The following SLC4A1AP variants were observed in gnomAD, a reference collection of about 807,000 sequenced individuals.
SLC4A1AP encodes the protein kanadaptin.
SLC4A1AP carries 64 observed loss-of-function variants against 89.7 expected under a neutral mutation model. The ratio of observed to expected loss-of-function variants is 0.71; its 90% CI spans 0.58 to 0.88. SLC4A1AP has a LOEUF of 0.88. Ranked by LOEUF, SLC4A1AP falls within the 40% of genes least tolerant of loss-of-function variation. The probability of loss-of-function intolerance (pLI) is 0.00; values close to 1 mark genes in which losing one functional copy is unlikely to be tolerated. For synonymous variants in SLC4A1AP, 366 were observed against 353.3 expected (o/e 1.04, Z -0.40); for missense variants, 931 against 965.0 (o/e 0.96, Z 0.47).
At chr2:27,667,713 G>GT (rs1318316891) in intron 3 of SLC4A1AP, among the ~76,000 whole-genome samples, 1 of 152,008 alleles carries the variant, frequency 6.6e-6, no homozygotes, top group African/African-American at 2.4e-5. Context: ...ACTTCCTGTA[G>GT]TTTTTTAATT....
exon 1 of SLC4A1AP, chr2:27,664,302 A>G: frequency 6.2e-7 from 1 of 1,614,182 alleles, no homozygotes. Context: ...CCGTAGCTTG[A>G]AAGGGACGAG....
At chr2:27,689,638 T>A (rs1675756879) in intron 12 of SLC4A1AP, among the ~76,000 whole-genome samples, 1 of 152,166 alleles carries the variant, frequency 6.6e-6, no homozygotes, top group Non-Finnish European at 1.5e-5. Flanking sequence ...TGGCGACTGA[T>A]CACATAGGCA....
At position 27,665,349 on chromosome 2, in the gene SLC4A1AP, G is replaced by C. The variant is rs1675297040; in HGVS notation, c.1021+54G>C. On this transcript the variant is annotated intron_variant, in intron 2 of 13. Transcript: ENST00000613058. ...TAATATTTTAAGTTCATTACAAGTGGTACCCTTAAATGTTTTTTTAAATCA... is the reference window on the plus strand; with the variant it reads ...TAATATTTTAAGTTCATTACAAGTGCTACCCTTAAATGTTTTTTTAAATCA... 13 of 1,447,782 alleles carry C rather than the reference G, an allele frequency of 9.0e-6. 1 individual carries two copies. The South Asian group carries it at 1.5e-4, about 17-fold the overall frequency. The allele number at this position is 1,447,782 out of a possible 1,614,324, so 89.7% of individuals were successfully genotyped here. A position where few individuals can be genotyped will look rare whatever the true frequency, so the allele number is the denominator to read the frequency against.
At chr2:27,673,239 A>G (rs945760812) in intron 5 of SLC4A1AP, among the ~76,000 whole-genome samples, 13 of 151,680 alleles carry the variant, frequency 8.6e-5, no homozygotes, top group African/African-American at 3.1e-4. Flanking sequence ...AATTCTGCTA[A>G]GTTAGTTTCT....
In SLC4A1AP at chr2:27,693,817, A is replaced by G; in HGVS notation, c.2341+63A>G. The G allele has an allele frequency of 7.9e-7, 1 of 1,268,802 alleles. No homozygotes were observed. Among genetic ancestry groups the G allele is most frequent in the Non-Finnish European group, 1.1e-6 (1 of 895,928 alleles). The allele number at this position is 1,268,802 out of a possible 1,614,324, so 78.6% of individuals were successfully genotyped here. ...TTATTTATATTTTTGAATAGGTAAT[A>G]TAGATTTAAGGTTCAACATAAGAAA... On this transcript the variant is annotated intron_variant, in intron 13 of 13. Transcript: ENST00000613058.
intron 3 of SLC4A1AP, chr2:27,668,624 A>AT: frequency 1.5e-6 from 1 of 681,530 alleles, no homozygotes; most frequent in South Asian, 1.5e-5. Flanking sequence ...TAATTTCTGT[A>AT]TTTTTTGTAC....
At chr2:27,664,559 C>G (rs1572986894) in exon 1 of SLC4A1AP, 1 of 1,611,130 alleles carries the variant, frequency 6.2e-7, no homozygotes, top group Non-Finnish European at 8.5e-7. Context: ...GAGGCAGCAC[C>G]CGGCTCTTTA....
intron 8 of SLC4A1AP, 137 bp downstream of exon 8, chr2:27,678,061 G>T: frequency 1.7e-6 from 1 of 573,202 alleles, no homozygotes. Context: ...ACAGAAAGCA[G>T]TGGTTTCATA....
At chr2:27,670,673 G>T (rs939165455) in intron 5 of SLC4A1AP, among the ~76,000 whole-genome samples, 1 of 151,396 alleles carries the variant, frequency 6.6e-6, no homozygotes. Context: ...TGGCTAACAC[G>T]GTGAAACCCC....
chr2:27,680,907 CTG>C (rs1397432986), intron 8 of SLC4A1AP, among the ~76,000 whole-genome samples: 1 of 150,784 alleles, frequency 6.6e-6, no homozygotes. Context: ...TGCTATCAGT[CTG>C]TGTGCTTGCC....
At chr2:27,664,198 C>T (rs1324208406) in exon 1 of SLC4A1AP, 1 of 1,614,042 alleles carries the variant, frequency 6.2e-7, no homozygotes, top group African/African-American at 1.3e-5. Flanking sequence ...GGCGGTCCAG[C>T]CCGGGCTCCC....
chr2:27,694,063 T>G (rs1355083281), intron 13 of SLC4A1AP, among the ~76,000 whole-genome samples: 1 of 152,212 alleles, frequency 6.6e-6, no homozygotes, highest in Admixed American at 6.5e-5. Flanking sequence ...CGGAAGTGTT[T>G]ACAGGTGTAA....
chr2:27,692,634 T>TCTGG (rs1437988538), intron 12 of SLC4A1AP: 13 of 152,208 alleles, frequency 8.5e-5, no homozygotes, highest in Non-Finnish European at 1.6e-4. Flanking sequence ...TTTTGTTAGG[T>TCTGG]CTGGTAGTAG....
intron 3 of SLC4A1AP, 172 bp from the exon 4 acceptor site, chr2:27,668,671 C>T (rs1476944801): frequency 4.2e-6 from 3 of 708,564 alleles, no homozygotes; most frequent in South Asian, 1.5e-5. Flanking sequence ...ACTGGTTTCG[C>T]GCTCCTTAAC....
intron 2 of SLC4A1AP, 23 bp downstream of exon 2, chr2:27,665,318 G>A (rs369454315): frequency 2.1e-4 from 335 of 1,565,890 alleles, no homozygotes; most frequent in Non-Finnish European, 2.7e-4. Context: ...AATTGCTGCC[G>A]GAGGTTAATA....
chr2:27,693,941 A>C (rs745715420), intron 13 of SLC4A1AP, among the ~76,000 whole-genome samples, 187 bp downstream of exon 13: 4 of 152,246 alleles, frequency 2.6e-5, no homozygotes, highest in Non-Finnish European at 5.9e-5. Context: ...GATAATTTTG[A>C]ACACTACCTG....
chr2:27,677,895 A>T (rs368881331), exon 8 of SLC4A1AP: 23 of 1,607,500 alleles, frequency 1.4e-5, no homozygotes, highest in Non-Finnish European at 1.9e-5. Context: ...TAAAAATTGT[A>T]AAGCCAGCAG....
At chr2:27,666,352 A>ACCC (rs1215773185) in intron 2 of SLC4A1AP, among the ~76,000 whole-genome samples, 10 of 3,414 alleles carry the variant, frequency 2.9e-3, no homozygotes, top group Admixed American at 5.5e-3. Context: ...CTTGTGATCC[A>ACCC]CCCCCCACCC....
intron 8 of SLC4A1AP, 53 bp downstream of exon 8, chr2:27,677,977 A>G (rs1388382591): frequency 1.6e-5 from 19 of 1,164,662 alleles, no homozygotes; most frequent in Admixed American, 7.9e-5. Context: ...CATAGATAAC[A>G]TTTTCAATTA....
Sources: gnomAD v4.1 joint callset for allele counts (sites outside exome capture counted in the v4.1 genomes callset) on GRCh38, gnomAD v4.1.1 for gene constraint, MANE v1.5 for transcripts, NCBI Gene and HGNC (gene_info 2026-07-23, HGNC 2026-07-21) for gene names.